Variants in ASCC3 observed in about 807,000 individuals in gnomAD.
ASCC3 encodes ASC-1 complex subunit P200.
ASCC3 carries 158 observed loss-of-function variants against 256.3 expected under a neutral mutation model. The ratio of observed to expected loss-of-function variants is 0.62; its 90% confidence interval spans 0.54 to 0.70. ASCC3 has a LOEUF of 0.70. Among genes scored for constraint, ASCC3 ranks in the 30% least tolerant of loss-of-function variants. The pLI, the probability that ASCC3 is intolerant of heterozygous loss-of-function variation, is 0.00. For missense variants in ASCC3, 2,259 were observed against 2,626.0 expected (o/e 0.86, Z 3.05); for synonymous variants, 948 against 883.4 (o/e 1.07, Z -1.30).
At chr6:100,844,314 A>G (rs1772288838) in intron 4 of ASCC3, among the ~76,000 whole-genome samples, 1 of 151,504 alleles carries the variant, frequency 6.6e-6, no homozygotes, top group Non-Finnish European at 1.5e-5. Context: ...CAGGACTGTG[A>G]AGAAGCTGGT....
At chr6:100,728,660 C>T (rs979024903) in intron 10 of ASCC3, among the ~76,000 whole-genome samples, 6 of 151,980 alleles carry the variant, frequency 3.9e-5, no homozygotes, top group Non-Finnish European at 8.8e-5. Context: ...GGATAAAATA[C>T]ATGCTATACA....
chr6:100,865,103 A>AG (rs2114548816), intron 2 of ASCC3, among the ~76,000 whole-genome samples: 1 of 152,246 alleles, frequency 6.6e-6, no homozygotes, highest in Non-Finnish European at 1.5e-5. Context: ...AGTCAATCTG[A>AG]GTTTAGGGGG....
chr6:100,733,405 G>T (rs1333185768), intron 10 of ASCC3, among the ~76,000 whole-genome samples: 1 of 152,044 alleles, frequency 6.6e-6, no homozygotes, highest in Non-Finnish European at 1.5e-5. Context: ...CTTTGGGGGT[G>T]AGTGGATTTT....
chr6:100,667,210 G>A (rs1198954147), intron 14 of ASCC3, among the ~76,000 whole-genome samples: 1 of 152,118 alleles, frequency 6.6e-6, no homozygotes, highest in Non-Finnish European at 1.5e-5. Context: ...TTTGATCAAA[G>A]AAGTCTTTAC....
chr6:100,596,414 G>A (rs1187656026), intron 34 of ASCC3, among the ~76,000 whole-genome samples: 2 of 152,048 alleles, frequency 1.3e-5, no homozygotes, highest in African/African-American at 4.8e-5. Context: ...CTCCTAACAT[G>A]ACTAATTTAG....
At chr6:100,850,742 T>C (rs1460741461) in intron 3 of ASCC3, among the ~76,000 whole-genome samples, 1 of 152,224 alleles carries the variant, frequency 6.6e-6, no homozygotes, top group East Asian at 1.9e-4. Flanking sequence ...ATTATTCTTT[T>C]AGTATTTAAG....
In ASCC3 at chr6:100,644,730, A is replaced by G. The variant is rs79114592; in HGVS notation, c.3634-601T>C. 7.2e-3 allele frequency among the ~76,000 whole-genome samples: 1,094 copies of G among 152,272 alleles called. 11 individuals carry two copies. Among genetic ancestry groups the G allele is most frequent in the African/African-American group, 0.025 (1,019 of 41,558 alleles). Reference sequence around the variant, plus strand: ...TTGATTGGCATAAGTCAATCAGCTCATGGGATTCCCCTCCCAACTGCTGTG... The same window carrying G: ...TTGATTGGCATAAGTCAATCAGCTCGTGGGATTCCCCTCCCAACTGCTGTG... On this transcript the variant is annotated intron_variant, in intron 22 of 41. Coordinates refer to ENST00000369162, the MANE Select transcript of ASCC3 (RefSeq NM_006828.4).
intron 37 of ASCC3, among the ~76,000 whole-genome samples, chr6:100,518,631 T>C (rs1562088624): frequency 6.6e-6 from 1 of 152,106 alleles, no homozygotes; most frequent in Non-Finnish European, 1.5e-5. Flanking sequence ...TCAATGACAA[T>C]AATACACCAC....
chr6:100,638,525 A>C, intron 25 of ASCC3, 76 bp downstream of exon 25: 1 of 1,241,742 alleles, frequency 8.1e-7, no homozygotes, highest in Non-Finnish European at 1.1e-6. Flanking sequence ...CCCTGCCAAT[A>C]TATTTAGAAC....
rs998301197 is a variant in ASCC3 at position 100,744,210 on chromosome 6, A to C, written c.1738-18507T>G. Reference sequence around the variant, plus strand: ...TTACTTTCCCTTAGTTTTTTATTCCATATTTTATCAAGTAGCTTAAATTTA... The same window carrying C: ...TTACTTTCCCTTAGTTTTTTATTCCCTATTTTATCAAGTAGCTTAAATTTA... On this transcript the variant is annotated intron_variant, in intron 10 of 41. Transcript: ENST00000369162. Among the ~76,000 whole-genome samples, 19 of 152,136 alleles carry C rather than the reference A, an allele frequency of 1.2e-4. 1 individual carries two copies. The highest frequency in any genetic ancestry group is 2.4e-5 in the African/African-American group (1 of 41,432).
At chr6:100,826,158 G>C (rs1354261824) in intron 4 of ASCC3, among the ~76,000 whole-genome samples, 1 of 151,622 alleles carries the variant, frequency 6.6e-6, no homozygotes, top group Admixed American at 6.6e-5. Flanking sequence ...TTTTGAGACA[G>C]TCTCCCTCTA....
Position 100,540,247 on chromosome 6 carries a change from T to A in ASCC3, c.5691A>T (p.Ala1897=). The change falls in exon 37 of 42, where the codon GCA becomes GCT. Residue 1897 remains alanine, a synonymous_variant. Transcript: ENST00000369162. ...PHTKAHLLLQ[A]HLSRAMLPCP... ...AGGGTAGCATGGCTCGGCTGAGATG[T>A]GCCTGTAGCAGGAGATGTGCTTTGG... 1 of 1,614,134 alleles carries A rather than the reference T, an allele frequency of 6.2e-7. No homozygotes were observed. The highest frequency in any genetic ancestry group is 8.5e-7 in the Non-Finnish European group (1 of 1,180,016).
intron 4 of ASCC3, among the ~76,000 whole-genome samples, chr6:100,821,684 C>T (rs1000437063): frequency 6.6e-6 from 1 of 151,704 alleles, no homozygotes; most frequent in East Asian, 1.9e-4. Flanking sequence ...GTTAGCTGGG[C>T]GTGGTGGCAC....
chr6:100,581,699 G>A (rs1771279828), intron 36 of ASCC3, among the ~76,000 whole-genome samples: 1 of 152,042 alleles, frequency 6.6e-6, no homozygotes, highest in South Asian at 2.1e-4. Flanking sequence ...TTTTCTTCTA[G>A]GGTTTTTATG....
intron 36 of ASCC3, among the ~76,000 whole-genome samples, chr6:100,582,793 T>C (rs965003233): frequency 4.6e-5 from 7 of 152,184 alleles, no homozygotes; most frequent in African/African-American, 1.7e-4. Context: ...GTTTTTAGCA[T>C]GAAGGGTTGT....
intron 4 of ASCC3, among the ~76,000 whole-genome samples, chr6:100,821,906 C>G (rs1420678066): frequency 1.3e-5 from 2 of 151,858 alleles, no homozygotes; most frequent in Non-Finnish European, 2.9e-5. Context: ...GTAAAAAAAA[C>G]AGTCAAGAAA....
chr6:100,568,771 ATT>A (rs1460544090), intron 36 of ASCC3, among the ~76,000 whole-genome samples: 7 of 139,990 alleles, frequency 5.0e-5, no homozygotes, highest in African/African-American at 2.1e-4. Flanking sequence ...TATTATTATT[ATT>A]ATTATTATTA....
At chr6:100,661,546 CTT>C (rs1189178563) in intron 16 of ASCC3, among the ~76,000 whole-genome samples, 1 of 151,784 alleles carries the variant, frequency 6.6e-6, no homozygotes, top group Non-Finnish European at 1.5e-5. Context: ...TTTCTATAGT[CTT>C]TGTTAGATTT....
chr6:100,566,736 T>G (rs888899312), intron 36 of ASCC3, among the ~76,000 whole-genome samples: 1 of 152,088 alleles, frequency 6.6e-6, no homozygotes, highest in Non-Finnish European at 1.5e-5. Flanking sequence ...CTGGGATCAT[T>G]TCCATGAGCA....
Sources: allele counts gnomAD v4.1 joint callset (sites outside exome capture counted in the v4.1 genomes callset), GRCh38; gene constraint gnomAD v4.1.1; transcripts MANE v1.5; gene names NCBI Gene and HGNC (gene_info 2026-07-23, HGNC 2026-07-21).